The following BEND6 variants were observed in gnomAD, a reference collection of about 807,000 sequenced individuals.
BEND6 encodes BEN domain-containing protein 6.
Under a neutral mutation model 31.8 loss-of-function variants are expected in BEND6, and 24 were observed. The ratio of observed to expected loss-of-function variants is 0.75; its 90% CI spans 0.55 to 1.06. The LOEUF (loss-of-function observed/expected upper bound fraction) is 1.06. Ranked by LOEUF, BEND6 falls within the 50% of genes least tolerant of loss-of-function variation. The pLI is 0.00. For missense variants in BEND6, 294 were observed against 327.4 expected (o/e 0.90, Z 0.79); for synonymous variants, 109 against 114.6 (o/e 0.95, Z 0.31).
At chr6:57,004,166 T>C (rs1266114227) in intron 3 of BEND6, among the ~76,000 whole-genome samples, 3 of 152,118 alleles carry the variant, frequency 2.0e-5, no homozygotes, top group Non-Finnish European at 4.4e-5. Context: ...AGTACTAGAA[T>C]TGGTAGCCAG....
intron 1 of BEND6, among the ~76,000 whole-genome samples, chr6:56,977,782 C>T (rs535675677): frequency 1.6e-3 from 241 of 152,202 alleles, no homozygotes; most frequent in African/African-American, 5.5e-3. Flanking sequence ...TACAGTGAGA[C>T]CCCATCTCTA....
At chr6:56,971,905 T>A (rs550621477) in intron 1 of BEND6, among the ~76,000 whole-genome samples, 2 of 152,242 alleles carry the variant, frequency 1.3e-5, no homozygotes, top group South Asian at 4.1e-4. Flanking sequence ...TTCTATGGGT[T>A]GCCTTTTTAA....
intron 3 of BEND6, chr6:57,014,654 C>A: frequency 2.9e-6 from 2 of 679,624 alleles, no homozygotes; most frequent in East Asian, 3.2e-5. Flanking sequence ...AATTTGACTC[C>A]CTTGTAAACC....
intron 1 of BEND6, among the ~76,000 whole-genome samples, chr6:56,968,861 G>A (rs1825585247): frequency 6.6e-6 from 1 of 151,994 alleles, no homozygotes; most frequent in South Asian, 2.1e-4. Flanking sequence ...GGATCACGAG[G>A]TCAGGAGCTC....
chr6:56,968,555 C>T (rs185678717), intron 1 of BEND6, among the ~76,000 whole-genome samples: 1 of 151,876 alleles, frequency 6.6e-6, no homozygotes, highest in Admixed American at 6.6e-5. Flanking sequence ...AATTCCTGGG[C>T]TCAAGCAATC....
At chr6:56,976,137 T>A (rs1592980326) in intron 1 of BEND6, 1 of 244,158 alleles carries the variant, frequency 4.1e-6, no homozygotes, top group East Asian at 1.1e-4. Context: ...AATTTATTTT[T>A]TATTATCAGT....
Position 57,027,193 on chromosome 6 carries a change from G to T in BEND6, c.*1121G>T, listed in dbSNP as rs1827930102. The T allele has an allele frequency of 6.6e-6, 1 of 152,200 alleles. No homozygotes were observed. Among genetic ancestry groups the T allele is most frequent in the Non-Finnish European group, 1.5e-5 (1 of 68,036 alleles). The allele number at this position is 152,200 out of a possible 1,614,324, so 9.4% of individuals were successfully genotyped here. ...ACTTGGAAAAGAGGATGCTACAGTAGTTTCAAAGTTCAGTGTTGTGGACCC... is the reference window on the plus strand; with the variant it reads ...ACTTGGAAAAGAGGATGCTACAGTATTTTCAAAGTTCAGTGTTGTGGACCC... On this transcript the variant is annotated 3_prime_UTR_variant, in exon 7 of 7. Coordinates refer to ENST00000370746, the MANE Select transcript of BEND6 (RefSeq NM_152731.3).
At chr6:57,000,884 G>GAAAAAAAA (rs142783287) in intron 3 of BEND6, among the ~76,000 whole-genome samples, 3 of 99,756 alleles carry the variant, frequency 3.0e-5, no homozygotes, top group African/African-American at 1.2e-4. Flanking sequence ...CACTTCCTCT[G>GAAAAAAAA]AAAAAAAAAA....
chr6:56,957,725 T>A (rs567370526), intron 1 of BEND6, among the ~76,000 whole-genome samples: 77 of 152,330 alleles, frequency 5.1e-4, no homozygotes, highest in African/African-American at 1.6e-3. Flanking sequence ...AAAGTATGTA[T>A]AATTTGTTGA....
In BEND6 at chr6:56,966,558, G is replaced by C. The variant is rs554776949; in HGVS notation, c.-101+11098G>C. The stretch of plus-strand genomic sequence containing the variant: ...ATTTACTTTCTTGTGCAAATTTTCA[G>C]ATAGTTCTGCCTGTGCCTGCAGGCT... On this transcript the variant is annotated intron_variant, in intron 1 of 6. Transcript: ENST00000370746. 1.1e-3 allele frequency among the ~76,000 whole-genome samples: 165 copies of C among 152,342 alleles called. 1 individual carries two copies. Among genetic ancestry groups the C allele is most frequent in the African/African-American group, 3.7e-3 (155 of 41,570 alleles).
At chr6:56,996,093 T>C (rs1264668499) in intron 3 of BEND6, among the ~76,000 whole-genome samples, 1 of 152,186 alleles carries the variant, frequency 6.6e-6, no homozygotes, top group East Asian at 1.9e-4. Context: ...GTACTAGGAC[T>C]TTTTTCTTTT....
intron 1 of BEND6, among the ~76,000 whole-genome samples, chr6:56,968,529 G>C (rs1052298543): frequency 1.3e-5 from 2 of 151,148 alleles, no homozygotes; most frequent in African/African-American, 4.9e-5. Flanking sequence ...TCACCATGTT[G>C]CTCAGGCTGG....
chr6:56,973,801 C>T (rs1190344039), intron 1 of BEND6, among the ~76,000 whole-genome samples: 1 of 152,180 alleles, frequency 6.6e-6, no homozygotes, highest in African/African-American at 2.4e-5. Context: ...GCCACCCAGG[C>T]TGGAGTGCAG....
intron 6 of BEND6, among the ~76,000 whole-genome samples, chr6:57,020,836 T>TG (rs1434333658): frequency 6.7e-6 from 1 of 149,538 alleles, no homozygotes; most frequent in African/African-American, 2.5e-5. Context: ...AACTCTTGTT[T>TG]TTTTTTTTTT....
chr6:56,957,494 C>T (rs1227645103), intron 1 of BEND6, among the ~76,000 whole-genome samples: 3 of 152,028 alleles, frequency 2.0e-5, no homozygotes, highest in African/African-American at 7.2e-5. Context: ...TAATGCATTG[C>T]GGAATTCAAT....
At chr6:57,008,267 C>T in intron 3 of BEND6, 1 of 702,402 alleles carries the variant, frequency 1.4e-6, no homozygotes, top group Non-Finnish European at 2.6e-6. Flanking sequence ...GATACGGGTC[C>T]TGGTGCTAGG....
At chr6:56,994,415 G>T (rs1328826529) in intron 3 of BEND6, among the ~76,000 whole-genome samples, 1 of 115,912 alleles carries the variant, frequency 8.6e-6, no homozygotes, top group Non-Finnish European at 1.6e-5. Context: ...CCGAGATCGT[G>T]CCCCTGCACT....
At chr6:56,989,003 C>A (rs1159489886) in intron 2 of BEND6, among the ~76,000 whole-genome samples, 1 of 151,920 alleles carries the variant, frequency 6.6e-6, no homozygotes, top group Non-Finnish European at 1.5e-5. Context: ...TGCACTCCAT[C>A]CTGGGAGACA....
At position 57,026,437 on chromosome 6, in the gene BEND6, C is replaced by T. The variant is rs1827905513; in HGVS notation, c.*365C>T. On this transcript the variant is annotated 3_prime_UTR_variant, in exon 7 of 7. Transcript: ENST00000370746. Reference sequence around the variant, plus strand: ...TATCATAGCAGCCAAAACTTCAGCCCATAGGTTAGTCATTGTCCTAACCAA... The same window carrying T: ...TATCATAGCAGCCAAAACTTCAGCCTATAGGTTAGTCATTGTCCTAACCAA... The T allele has an allele frequency of 6.6e-6, 1 of 152,218 alleles. No homozygotes were observed. Among genetic ancestry groups the T allele is most frequent in the Admixed American group, 6.5e-5 (1 of 15,278 alleles). 9.4% of individuals were successfully genotyped at this position (152,218 alleles called of 1,614,324 possible).
Sources: gnomAD v4.1 joint callset for allele counts (sites outside exome capture counted in the v4.1 genomes callset) on GRCh38, gnomAD v4.1.1 for gene constraint, MANE v1.5 for transcripts, NCBI Gene and HGNC (gene_info 2026-07-23, HGNC 2026-07-21) for gene names.